TTLL9: variants seen among roughly 807,000 people sequenced by gnomAD.
TTLL9 encodes the protein probable tubulin polyglutamylase TTLL9.
TTLL9 carries 47 observed loss-of-function variants against 65.6 expected under a neutral mutation model. The ratio of observed to expected loss-of-function variants is 0.72; its 90% CI spans 0.57 to 0.91. The LOEUF is 0.91. Ranked by LOEUF, TTLL9 falls within the 40% of genes least tolerant of loss-of-function variation. The pLI, the probability that TTLL9 is intolerant of heterozygous loss-of-function variation, is 0.00. For missense variants in TTLL9, 537 were observed against 568.8 expected, an observed-to-expected ratio of 0.94 and a Z score of 0.57; for synonymous variants, 179 against 204.8, an observed-to-expected ratio of 0.87 and a Z score of 1.07.
In TTLL9 at chr20:31,909,926, AG is replaced by A; in HGVS notation, c.504+5del. The A allele has an allele frequency of 9.5e-7, 1 of 1,053,062 alleles. No individual in the cohort carries two copies. The highest frequency in any genetic ancestry group is 1.6e-5 in the African/African-American group (1 of 61,552). 65.2% of individuals were successfully genotyped at this position (1,053,062 alleles called of 1,614,324 possible). Reference sequence around the variant, plus strand: ...AATCACCTGGATCATGAAGCCTGTGAGTGCCCAGTGCCAGGGGCTGGGTGGG... The same window carrying A: ...AATCACCTGGATCATGAAGCCTGTGATGCCCAGTGCCAGGGGCTGGGTGGG... On this transcript the variant is annotated splice_donor_5th_base_variant and intron_variant, in intron 6 of 14. Coordinates refer to ENST00000535842, the MANE Select transcript of TTLL9 (RefSeq NM_001008409.5).
At chr20:31,875,752 A>T (rs1249545457) in intron 2 of TTLL9, among the ~76,000 whole-genome samples, 1 of 152,138 alleles carries the variant, frequency 6.6e-6, no homozygotes, top group Non-Finnish European at 1.5e-5. Flanking sequence ...GGATATTTTG[A>T]TCTATTTGCT....
intron 6 of TTLL9, among the ~76,000 whole-genome samples, chr20:31,917,111 G>A (rs1038325614): frequency 6.6e-6 from 1 of 152,130 alleles, no homozygotes; most frequent in Non-Finnish European, 1.5e-5. Context: ...ATATAGAAAA[G>A]TAGCCAAATT....
Position 31,943,940 on chromosome 20 carries a change from G to C in TTLL9, c.*919G>C. The C allele has an allele frequency of 2.4e-6, 1 of 418,088 alleles. No individual in the cohort carries two copies. The highest frequency in any genetic ancestry group is 1.7e-5 in the South Asian group (1 of 57,790). 25.9% of individuals were successfully genotyped at this position (418,088 alleles called of 1,614,324 possible). The stretch of plus-strand genomic sequence containing the variant: ...AAGACTCGGGGCTGTTGGGGTAACT[G>C]TTCCAGGGGGGACTTACTCCCTCTA... On this transcript the variant is annotated 3_prime_UTR_variant, in exon 15 of 15. Coordinates refer to ENST00000535842, the MANE Select transcript of TTLL9 (RefSeq NM_001008409.5).
chr20:31,884,465 G>C (rs1229998186), intron 2 of TTLL9, among the ~76,000 whole-genome samples: 1 of 152,150 alleles, frequency 6.6e-6, no homozygotes, highest in East Asian at 1.9e-4. Context: ...GACCTCAAAT[G>C]ATCTGCCTGC....
chr20:31,923,122 AC>A, intron 8 of TTLL9, 69 bp downstream of exon 8: 1 of 1,281,268 alleles, frequency 7.8e-7, no homozygotes, highest in Non-Finnish European at 1.1e-6. Context: ...ACAAGCTTTG[AC>A]CAGCAGCCTG....
intron 2 of TTLL9, among the ~76,000 whole-genome samples, chr20:31,873,864 GAA>G (rs1477299572): frequency 6.8e-6 from 1 of 146,304 alleles, no homozygotes; most frequent in Admixed American, 6.8e-5. Flanking sequence ...AAGAAAGAAA[GAA>G]AGAAAGAAAG....
intron 13 of TTLL9, 67 bp downstream of exon 13, chr20:31,937,576 G>A: frequency 1.5e-6 from 2 of 1,327,436 alleles, no homozygotes. Context: ...CAAGGAAGAG[G>A]GGGAGCTTAG....
chr20:31,903,524 G>A (rs993568027), intron 4 of TTLL9, among the ~76,000 whole-genome samples: 19 of 151,978 alleles, frequency 1.3e-4, no homozygotes, highest in African/African-American at 4.6e-4. Flanking sequence ...AGTGCTTTTG[G>A]TATCATATCT....
intron 4 of TTLL9, among the ~76,000 whole-genome samples, chr20:31,901,009 T>C (rs907819366): frequency 1.3e-5 from 2 of 152,196 alleles, no homozygotes; most frequent in Non-Finnish European, 2.9e-5. Context: ...GGCCTTTTCC[T>C]TCAACACAGC....
chr20:31,890,203 C>CTTTCTTTCTTTCTTTCTTTCTT (rs2063287875), intron 3 of TTLL9, among the ~76,000 whole-genome samples: 2 of 63,958 alleles, frequency 3.1e-5, no homozygotes, highest in African/African-American at 6.3e-5. Flanking sequence ...CTTTCTTTCT[C>CTTTCTTTCTTTCTTTCTTTCTT]TTTCTTTCAT....
chr20:31,908,568 C>T, intron 4 of TTLL9, 23 bp from the exon 5 acceptor site: 1 of 1,560,414 alleles, frequency 6.4e-7, no homozygotes, highest in South Asian at 1.1e-5. Context: ...TGACCTTTAT[C>T]CCCGCCCCCA....
At chr20:31,935,630 G>A (rs1419550055) in intron 12 of TTLL9, among the ~76,000 whole-genome samples, 1 of 152,246 alleles carries the variant, frequency 6.6e-6, no homozygotes, top group Non-Finnish European at 1.5e-5. Context: ...GCACCAGCAG[G>A]TCTCTCTCCT....
intron 4 of TTLL9, among the ~76,000 whole-genome samples, chr20:31,903,795 A>G (rs1263310631): frequency 6.6e-6 from 1 of 152,240 alleles, no homozygotes. Context: ...TTAGCAGCTT[A>G]TGTAATCACA....
chr20:31,883,141 C>T (rs1466662255), intron 2 of TTLL9, among the ~76,000 whole-genome samples: 1 of 151,404 alleles, frequency 6.6e-6, no homozygotes, highest in Non-Finnish European at 1.5e-5. Flanking sequence ...CAGTGGGAGA[C>T]AGCTAGGAAG....
rs534448670 is a variant in TTLL9 at position 31,879,875 on chromosome 20, A to T, written c.70-7321A>T. On this transcript the variant is annotated intron_variant, in intron 2 of 14. Coordinates refer to ENST00000535842, the MANE Select transcript of TTLL9 (RefSeq NM_001008409.5). ...GCGGTTTGGATCTGGCCCCTGGGGA[A>T]TCGCGTTATGTCGCGACCGAAGGTA... is the stretch of plus-strand genomic sequence containing the variant. The T allele has an allele frequency of 1.7e-5, 27 of 1,550,470 alleles. No homozygotes were observed. The South Asian group carries it at 1.9e-4, about 11-fold the overall frequency.
chr20:31,926,132 G>A (rs1258292408), intron 10 of TTLL9, 41 bp downstream of exon 10: 6 of 1,411,596 alleles, frequency 4.3e-6, no homozygotes, highest in Non-Finnish European at 6.0e-6. Context: ...GGAGCTTCCA[G>A]TTTTGTGGGG....
chr20:31,905,405 A>G (rs2063539931), intron 4 of TTLL9, among the ~76,000 whole-genome samples: 1 of 152,118 alleles, frequency 6.6e-6, no homozygotes, highest in South Asian at 2.1e-4. Context: ...GTGGGTTTCC[A>G]TCAGTTCTTG....
Position 31,943,968 on chromosome 20 carries a change from A to C in TTLL9, c.*947A>C, listed in dbSNP as rs926846383. The C allele has an allele frequency of 2.7e-6, 1 of 375,652 alleles. No homozygotes were observed. Among genetic ancestry groups the C allele is most frequent in the South Asian group, 1.9e-5 (1 of 51,438 alleles). The allele number at this position is 375,652 out of a possible 1,614,324, so 23.3% of individuals were successfully genotyped here. A position where few individuals can be genotyped will look rare whatever the true frequency, so the allele number is the denominator to read the frequency against. ...CCAGGGGGGACTTACTCCCTCTACCACTCCGCCTGCTTCAGAGTAGTTTCT... is the reference window on the plus strand; with the variant it reads ...CCAGGGGGGACTTACTCCCTCTACCCCTCCGCCTGCTTCAGAGTAGTTTCT... On this transcript the variant is annotated 3_prime_UTR_variant, in exon 15 of 15. Transcript: ENST00000535842.
chr20:31,944,097 G>A lies in TTLL9; in HGVS notation c.*1076G>A, dbSNP rs2064273131. On this transcript the variant is annotated 3_prime_UTR_variant, in exon 15 of 15. Transcript: ENST00000535842. The stretch of plus-strand genomic sequence containing the variant: ...CAAGAAGTGAACCAGCCGACTTTAG[G>A]AAAGCCAGAAGCCAGGCTACTCTAG... The A allele has an allele frequency of 3.0e-6, 1 of 328,690 alleles. No individual in the cohort carries two copies. The highest frequency in any genetic ancestry group is 6.1e-6 in the Non-Finnish European group (1 of 164,988). 20.4% of individuals were successfully genotyped at this position (328,690 alleles called of 1,614,324 possible).
Sources: gnomAD v4.1 joint callset for allele counts (sites outside exome capture counted in the v4.1 genomes callset) on GRCh38, gnomAD v4.1.1 for gene constraint, MANE v1.5 for transcripts, NCBI Gene and HGNC (gene_info 2026-07-23, HGNC 2026-07-21) for gene names.